TDRD12: variants seen among roughly 807,000 people sequenced by gnomAD.
TDRD12 encodes tudor domain containing 12.
A neutral mutation model predicts 133.5 loss-of-function variants in TDRD12; 158 were observed. That is an observed-to-expected ratio of 1.18 (90% CI 1.04 to 1.35). The LOEUF (loss-of-function observed/expected upper bound fraction) is 1.35, where lower values mean the gene tolerates loss of function less well. Ranked by LOEUF, TDRD12 falls within the 40% of genes most tolerant of loss-of-function variation. The pLI, the probability that TDRD12 is intolerant of heterozygous loss-of-function variation, is 0.00. For synonymous variants in TDRD12, 460 were observed against 477.9 expected, an observed-to-expected ratio of 0.96 and a Z score of 0.49; for missense variants, 1,443 against 1,321.3, an observed-to-expected ratio of 1.09 and a Z score of -1.43.
intron 8 of TDRD12, among the ~76,000 whole-genome samples, chr19:32,760,439 A>G (rs928907538): frequency 1.1e-4 from 16 of 152,200 alleles, no homozygotes; most frequent in Non-Finnish European, 2.1e-4. Context: ...TTGAGAATCA[A>G]AGTATAATAC....
chr19:32,821,740 A>G (rs1195445487), downstream of TDRD12, among the ~76,000 whole-genome samples: 1 of 152,154 alleles, frequency 6.6e-6, no homozygotes, highest in Non-Finnish European at 1.5e-5. Context: ...AATCTGTATG[A>G]TTGCAAGTGG....
intron 2 of TDRD12, among the ~76,000 whole-genome samples, chr19:32,738,390 G>A (rs1969290041): frequency 6.6e-6 from 1 of 152,224 alleles, no homozygotes. Context: ...GGGCAGAGTG[G>A]CTCAGCTTGG....
chr19:32,797,434 T>C (rs1339621042), intron 14 of TDRD12, among the ~76,000 whole-genome samples: 1 of 152,212 alleles, frequency 6.6e-6, no homozygotes, highest in Non-Finnish European at 1.5e-5. Flanking sequence ...ACTTCACCTC[T>C]CTGTACCTCA....
intron 1 of TDRD12, among the ~76,000 whole-genome samples, chr19:32,720,744 A>C (rs1599812843): frequency 2.7e-5 from 1 of 37,134 alleles, no homozygotes; most frequent in African/African-American, 1.2e-4. Context: ...CCACCACCCC[A>C]TCTCCACTCC....
downstream of TDRD12, among the ~76,000 whole-genome samples, chr19:32,823,428 A>G (rs1371827093): frequency 6.6e-6 from 1 of 151,952 alleles, no homozygotes; most frequent in Non-Finnish European, 1.5e-5. Context: ...GGTCATCTGG[A>G]AGGATGGGTT....
intron 8 of TDRD12, among the ~76,000 whole-genome samples, chr19:32,764,614 G>T (rs1970243007): frequency 6.6e-6 from 1 of 152,090 alleles, no homozygotes; most frequent in Admixed American, 6.6e-5. Flanking sequence ...ATCTTAATTA[G>T]GTCATACTGG....
intron 6 of TDRD12, 125 bp downstream of exon 6, chr19:32,749,994 GTCTA>G: frequency 1.5e-6 from 1 of 673,984 alleles, no homozygotes; most frequent in Non-Finnish European, 2.4e-6. Flanking sequence ...ATCTCTTAAG[GTCTA>G]TCTTAGACCC....
exon 25 of TDRD12, chr19:32,813,731 A>C (rs1380286027): frequency 6.5e-7 from 1 of 1,535,342 alleles, no homozygotes; most frequent in Non-Finnish European, 8.7e-7. Context: ...TGCATGATGC[A>C]AAAGTGATCC....
chr19:32,724,792 T>A (rs956634542), intron 1 of TDRD12, among the ~76,000 whole-genome samples: 1 of 152,212 alleles, frequency 6.6e-6, no homozygotes, highest in Admixed American at 6.6e-5. Context: ...ATCACCACAC[T>A]GTCTTCCACA....
intron 24 of TDRD12, among the ~76,000 whole-genome samples, chr19:32,811,734 G>GTGC (rs1657382250): frequency 6.6e-6 from 1 of 152,170 alleles, no homozygotes; most frequent in Admixed American, 6.5e-5. Context: ...TCCAGGCTGG[G>GTGC]TGCTGTGGCC....
At chr19:32,807,608 A>C in exon 22 of TDRD12, 2 of 1,535,344 alleles carry the variant, frequency 1.3e-6, no homozygotes, top group Non-Finnish European at 1.7e-6. Context: ...TTGCCCAGGA[A>C]ACTGTCCAGC....
chr19:32,782,539 C>T (rs1023456424), intron 11 of TDRD12, among the ~76,000 whole-genome samples: 2 of 152,166 alleles, frequency 1.3e-5, no homozygotes, highest in African/African-American at 4.8e-5. Flanking sequence ...GAGGAATCAC[C>T]ACACTGTCTT....
At chr19:32,801,255 G>T (rs1971380695) in intron 18 of TDRD12, among the ~76,000 whole-genome samples, 1 of 150,320 alleles carries the variant, frequency 6.7e-6, no homozygotes, top group Non-Finnish European at 1.5e-5. Flanking sequence ...AACAGTAAAA[G>T]ATATCATATA....
Position 32,827,142 on chromosome 19 carries a change from TTATAA to T in TDRD12, c.1050-18_1050-14del, listed in dbSNP as rs1227270573. 8.5e-7 allele frequency: 1 copy of T among 1,176,084 alleles called. No individual in the cohort carries two copies. The highest frequency in any genetic ancestry group is 1.1e-6 in the Non-Finnish European group (1 of 937,072). The allele number at this position is 1,176,084 out of a possible 1,614,324, so 72.9% of individuals were successfully genotyped here. On this transcript the variant is annotated splice_polypyrimidine_tract_variant and intron_variant, in intron 9 of 9. Coordinates refer to the TDRD12 transcript ENST00000637289. ...TTGCTGATTAGTCTACACTTATTTG[TTATAA>T]TATCTTACTCCTTTAGTAGTGAATT...
intron 1 of TDRD12, among the ~76,000 whole-genome samples, chr19:32,721,687 T>TG (rs1568440262): frequency 8.6e-5 from 12 of 140,348 alleles, no homozygotes; most frequent in African/African-American, 3.0e-4. Flanking sequence ...GCCTATTTTA[T>TG]TTTATTTTAT....
intron 2 of TDRD12, among the ~76,000 whole-genome samples, chr19:32,732,522 G>A (rs1253366550): frequency 1.3e-5 from 2 of 152,126 alleles, no homozygotes; most frequent in Non-Finnish European, 2.9e-5. Flanking sequence ...TAGGGCCAAC[G>A]CCTCCCTTTT....
chr19:32,774,541 C>A (rs1970527553), intron 10 of TDRD12, among the ~76,000 whole-genome samples: 1 of 151,918 alleles, frequency 6.6e-6, no homozygotes, highest in African/African-American at 2.4e-5. Context: ...AGGTTGACAG[C>A]ACTTTATTTA....
chr19:32,791,101 A>G (rs1020220216), intron 13 of TDRD12, 33 bp downstream of exon 13: 8 of 1,517,070 alleles, frequency 5.3e-6, no homozygotes, highest in Non-Finnish European at 6.1e-6. Flanking sequence ...ATTTATCAAG[A>G]ATGCCAACTT....
At chr19:32,801,935 A>C in intron 19 of TDRD12, 62 bp downstream of exon 19, 1 of 563,648 alleles carries the variant, frequency 1.8e-6, no homozygotes. Flanking sequence ...TTCTATCTTT[A>C]ATTCATTTAT....
Sources: allele counts gnomAD v4.1 joint callset (sites outside exome capture counted in the v4.1 genomes callset), GRCh38; gene constraint gnomAD v4.1.1; transcripts MANE v1.5; gene names NCBI Gene and HGNC (gene_info 2026-07-23, HGNC 2026-07-21).